Variants in PCDHGA3 observed in about 807,000 individuals in gnomAD.
PCDHGA3 encodes protocadherin gamma-A3.
Under a neutral mutation model 58.5 loss-of-function variants are expected in PCDHGA3, and 40 were observed. That is an observed-to-expected ratio of 0.68 (90% CI 0.53 to 0.89). PCDHGA3 has a LOEUF of 0.89. Ranked by LOEUF, PCDHGA3 falls within the 40% of genes least tolerant of loss-of-function variation. The pLI, the probability that PCDHGA3 is intolerant of heterozygous loss-of-function variation, is 0.00. For synonymous variants in PCDHGA3, 530 were observed against 525.7 expected, an observed-to-expected ratio of 1.01 and a Z score of -0.11; for missense variants, 1,223 against 1,195.9, an observed-to-expected ratio of 1.02 and a Z score of -0.33.
At chr5:141,356,994 A>G (rs1760422746) in intron 1 of PCDHGA3, 1 of 1,614,140 alleles carries the variant, frequency 6.2e-7, no homozygotes, top group Admixed American at 1.7e-5. Flanking sequence ...ACAGAGACTC[A>G]GGTCAGAATG....
At chr5:141,425,719 A>G (rs2096890303) in intron 1 of PCDHGA3, among the ~76,000 whole-genome samples, 1 of 152,200 alleles carries the variant, frequency 6.6e-6, no homozygotes. Context: ...TTCCCATACC[A>G]CTTGATGGGG....
At chr5:141,371,425 C>A in intron 1 of PCDHGA3, 1 of 1,613,882 alleles carries the variant, frequency 6.2e-7, no homozygotes, top group Non-Finnish European at 8.5e-7. Flanking sequence ...AATGACAATG[C>A]CCCGGAGATA....
At chr5:141,392,668 C>T in intron 1 of PCDHGA3, 2 of 849,812 alleles carry the variant, frequency 2.4e-6, no homozygotes, top group Admixed American at 3.2e-5. Flanking sequence ...CACAAACTAA[C>T]TGCTGGACTG....
chr5:141,399,478 G>A, intron 1 of PCDHGA3: 2 of 1,614,012 alleles, frequency 1.2e-6, no homozygotes, highest in East Asian at 2.2e-5. Flanking sequence ...TTTCCACCAG[G>A]CGTCCTACTT....
intron 1 of PCDHGA3, chr5:141,398,072 G>T: frequency 1.9e-6 from 3 of 1,588,646 alleles, no homozygotes; most frequent in Non-Finnish European, 2.6e-6. Context: ...CAATACAGAG[G>T]TTATTTGTAA....
chr5:141,505,317 G>A, intron 2 of PCDHGA3, 76 bp from the exon 3 acceptor site: 1 of 1,603,092 alleles, frequency 6.2e-7, no homozygotes, highest in Non-Finnish European at 8.5e-7. Flanking sequence ...AGGTTTGGGA[G>A]CCCTGGGAGA....
At chr5:141,444,471 G>A (rs929365899) in intron 1 of PCDHGA3, among the ~76,000 whole-genome samples, 1 of 151,876 alleles carries the variant, frequency 6.6e-6, no homozygotes, top group Non-Finnish European at 1.5e-5. Flanking sequence ...GCGCCCGGTC[G>A]CGTACTGGAT....
chr5:141,410,175 C>T (rs202065305), intron 1 of PCDHGA3: 5 of 1,613,752 alleles, frequency 3.1e-6, no homozygotes, highest in Non-Finnish European at 8.5e-7. Flanking sequence ...TCTGCCACCG[C>T]CACGCTTCAT....
Position 141,360,879 on chromosome 5 carries a change from G to T in PCDHGA3, c.2424+14422G>T, listed in dbSNP as rs1761784772. On this transcript the variant is annotated intron_variant, in intron 1 of 3. Coordinates refer to ENST00000253812, the MANE Select transcript of PCDHGA3 (RefSeq NM_018916.4). ...CAGTGTTCAGCCAGGACGTGTACAGGGTCACCCTGAGGGAGGACGTGCCGC... is the reference window on the plus strand; with the variant it reads ...CAGTGTTCAGCCAGGACGTGTACAGTGTCACCCTGAGGGAGGACGTGCCGC... 5.0e-6 allele frequency: 8 copies of T among 1,614,000 alleles called. No individual in the cohort carries two copies. The East Asian group carries it at 1.3e-4, about 27-fold the overall frequency.
chr5:141,395,016 G>A (rs772379480), intron 1 of PCDHGA3: 2 of 1,614,068 alleles, frequency 1.2e-6, no homozygotes, highest in Non-Finnish European at 1.7e-6. Flanking sequence ...ATTGGTAGGC[G>A]TGCCTGCCTC....
intron 1 of PCDHGA3, chr5:141,399,316 T>C (rs1281033457): frequency 6.2e-7 from 1 of 1,613,772 alleles, no homozygotes; most frequent in Non-Finnish European, 8.5e-7. Flanking sequence ...ATCCAAAAAT[T>C]CGTATAAGTT....
At chr5:141,365,830 C>T in intron 1 of PCDHGA3, 6 of 1,613,946 alleles carry the variant, frequency 3.7e-6, no homozygotes, top group Non-Finnish European at 5.1e-6. Flanking sequence ...AGGGGGCGCC[C>T]TTGTCCTCCT....
At chr5:141,366,700 T>C in intron 1 of PCDHGA3, 1 of 1,614,248 alleles carries the variant, frequency 6.2e-7, no homozygotes, top group Non-Finnish European at 8.5e-7. Context: ...AAAGCGAGCC[T>C]CTTCTGATGT....
At chr5:141,510,335 AC>A (rs1247622083) in intron 3 of PCDHGA3, among the ~76,000 whole-genome samples, 1 of 149,138 alleles carries the variant, frequency 6.7e-6, no homozygotes, top group African/African-American at 2.5e-5. Context: ...CTTCACCCCC[AC>A]CCCACACACT....
At chr5:141,384,215 T>C in intron 1 of PCDHGA3, 1 of 1,613,862 alleles carries the variant, frequency 6.2e-7, no homozygotes, top group Non-Finnish European at 8.5e-7. Flanking sequence ...ACTCACATAT[T>C]CATGCAGGTG....
At chr5:141,389,122 A>G (rs2091613113) in intron 1 of PCDHGA3, 1 of 1,613,914 alleles carries the variant, frequency 6.2e-7, no homozygotes, top group Admixed American at 1.7e-5. Context: ...CGCGAGCAGA[A>G]TCCAGAGTAC....
At chr5:141,388,991 C>G in intron 1 of PCDHGA3, 1 of 1,613,976 alleles carries the variant, frequency 6.2e-7, no homozygotes. Flanking sequence ...TGCTCAAAGT[C>G]CGTGACAAGG....
At position 141,355,838 on chromosome 5, in the gene PCDHGA3, C is replaced by T. The variant is rs201855847; in HGVS notation, c.2424+9381C>T. ...GAGGCGGTTCACCACCTCGTTCTCA[C>T]GGCCTTCGATGGAGGTGACCCGGTT... On this transcript the variant is annotated intron_variant, in intron 1 of 3. Coordinates refer to ENST00000253812, the MANE Select transcript of PCDHGA3 (RefSeq NM_018916.4). The T allele has an allele frequency of 8.7e-6, 14 of 1,611,996 alleles. No individual in the cohort carries two copies. In the South Asian group the frequency reaches 9.9e-5, roughly 11 times the overall value.
intron 1 of PCDHGA3, chr5:141,374,617 C>T: frequency 1.2e-6 from 2 of 1,613,518 alleles, no homozygotes; most frequent in South Asian, 1.1e-5. Flanking sequence ...ATAGTCACTT[C>T]TCAGTGGACG....
Sources: gnomAD v4.1 joint callset for allele counts (sites outside exome capture counted in the v4.1 genomes callset) on GRCh38, gnomAD v4.1.1 for gene constraint, MANE v1.5 for transcripts, NCBI Gene and HGNC (gene_info 2026-07-23, HGNC 2026-07-21) for gene names.